DMD: variants seen among roughly 807,000 people sequenced by gnomAD.
DMD encodes mutant dystrophin.
A neutral mutation model predicts 330.1 loss-of-function variants in DMD; 63 were observed. The ratio of observed to expected loss-of-function variants is 0.19; its 90% confidence interval spans 0.16 to 0.24. The LOEUF is 0.24. DMD is among the 10% of genes least tolerant of loss of function. DMD has a pLI of 1.00. For missense variants in DMD, 3,344 were observed against 2,684.1 expected, an observed-to-expected ratio of 1.25 and a Z score of -5.43; for synonymous variants, 1,223 against 959.8, an observed-to-expected ratio of 1.27 and a Z score of -5.07.
At chrX:31,849,072 T>G (rs1947606) in intron 48 of DMD, among the ~76,000 whole-genome samples, 30,361 of 109,610 alleles carry the variant, frequency 0.28, 3,481 homozygotes, top group East Asian at 0.48. Context: ...TCTTCCTTGT[T>G]TTCCTTTCTT....
At chrX:32,290,911 C>A (rs7887682) in intron 42 of DMD, among the ~76,000 whole-genome samples, 15,240 of 111,364 alleles carry the variant, frequency 0.14, 836 homozygotes, top group Admixed American at 0.16. Context: ...TTAGAGAAAA[C>A]ATGTATCATA....
chrX:31,590,674 G>C (rs773752881), intron 55 of DMD, among the ~76,000 whole-genome samples: 1 of 111,475 alleles, frequency 9.0e-6, no homozygotes, highest in South Asian at 3.7e-4. Context: ...ATTCTCAGGG[G>C]TGATAAATGA....
At chrX:32,505,666 A>G (rs2044542048) in intron 18 of DMD, among the ~76,000 whole-genome samples, 2 of 112,231 alleles carry the variant, frequency 1.8e-5, no homozygotes, top group South Asian at 7.3e-4. Flanking sequence ...AGGCATTTAC[A>G]CAAAGGAGTC....
chrX:32,524,879 G>A (rs1040769274), intron 17 of DMD, among the ~76,000 whole-genome samples: 2 of 112,356 alleles, frequency 1.8e-5, no homozygotes, highest in African/African-American at 6.5e-5. Flanking sequence ...TTGATGTACA[G>A]ATTTTTAAAA....
intron 1 of DMD, among the ~76,000 whole-genome samples, chrX:33,166,032 G>T (rs1032980584): frequency 6.3e-5 from 7 of 111,337 alleles, no homozygotes; most frequent in African/African-American, 2.3e-4. Context: ...GCAGATTAAG[G>T]GCAGCTTTCT....
intron 1 of DMD, among the ~76,000 whole-genome samples, chrX:33,318,561 C>T (rs140196330): frequency 4.2e-4 from 45 of 107,967 alleles, no homozygotes; most frequent in African/African-American, 1.5e-3. Flanking sequence ...GATTCTCCAG[C>T]CTCAGCCACC....
intron 1 of DMD, among the ~76,000 whole-genome samples, chrX:33,139,189 T>A: frequency 9.0e-6 from 1 of 111,182 alleles, no homozygotes; most frequent in East Asian, 2.8e-4. Context: ...TCCTAGCTAC[T>A]GGGGAAGCTG....
intron 63 of DMD, among the ~76,000 whole-genome samples, chrX:31,236,097 T>A (rs1171365231): frequency 8.9e-6 from 1 of 112,225 alleles, no homozygotes; most frequent in Non-Finnish European, 1.9e-5. Context: ...ACTCTGAGGC[T>A]GAACGTCCTT....
intron 1 of DMD, among the ~76,000 whole-genome samples, chrX:33,070,555 T>TA (rs1209982328): frequency 9.4e-6 from 1 of 106,590 alleles, no homozygotes; most frequent in Non-Finnish European, 1.9e-5. Context: ...AGAAAAAAAT[T>TA]AAAAAAGAGT....
At chrX:31,520,836 C>A (rs916158222) in intron 55 of DMD, among the ~76,000 whole-genome samples, 2 of 110,060 alleles carry the variant, frequency 1.8e-5, no homozygotes, top group South Asian at 8.0e-4. Flanking sequence ...CCCGCCACCA[C>A]GCCCGGCTAA....
At chrX:32,039,506 A>C (rs767010978) in intron 44 of DMD, among the ~76,000 whole-genome samples, 1 of 111,364 alleles carries the variant, frequency 9.0e-6, no homozygotes, top group African/African-American at 3.3e-5. Flanking sequence ...TGTGCCCCCA[A>C]ATCTCACTGT....
intron 2 of DMD, among the ~76,000 whole-genome samples, chrX:32,863,559 CACACACACACACACAA>C (rs1425005637): frequency 9.6e-6 from 1 of 104,177 alleles, no homozygotes; most frequent in African/African-American, 3.6e-5. Context: ...CACACACACA[CACACACACACACACAA>C]ATACACACAT....
intron 19 of DMD, among the ~76,000 whole-genome samples, chrX:32,496,347 A>C (rs1334413053): frequency 8.9e-6 from 1 of 111,897 alleles, no homozygotes; most frequent in Non-Finnish European, 1.9e-5. Flanking sequence ...TTAGCATTCA[A>C]TGTAATAGTC....
intron 1 of DMD, among the ~76,000 whole-genome samples, chrX:33,026,405 T>G (rs1470973850): frequency 1.9e-5 from 2 of 105,421 alleles, no homozygotes; most frequent in African/African-American, 3.5e-5. Flanking sequence ...AAGTTCAGTC[T>G]ATTCTCTGCT....
intron 30 of DMD, among the ~76,000 whole-genome samples, chrX:32,403,699 C>T (rs890002187): frequency 9.0e-6 from 1 of 111,600 alleles, no homozygotes; most frequent in Admixed American, 9.6e-5. Context: ...TAGGGGTGGC[C>T]TTTCAATGTT....
intron 7 of DMD, among the ~76,000 whole-genome samples, chrX:32,738,644 G>T (rs899680234): frequency 8.9e-6 from 1 of 111,864 alleles, no homozygotes; most frequent in Admixed American, 9.6e-5. Context: ...TAATTGAATG[G>T]AGGTAAAACT....
chrX:32,661,905 C>T (rs749409715), intron 9 of DMD, among the ~76,000 whole-genome samples: 1 of 111,337 alleles, frequency 9.0e-6, no homozygotes, highest in Admixed American at 9.6e-5. Context: ...GCAAATATTA[C>T]TGGGATTTTG....
At chrX:32,940,079 A>G (rs1450760299) in intron 2 of DMD, among the ~76,000 whole-genome samples, 1 of 112,059 alleles carries the variant, frequency 8.9e-6, no homozygotes, top group African/African-American at 3.2e-5. Flanking sequence ...ATCCTAAGGA[A>G]AAAGAACAAA....
rs2040771438 is a variant in DMD at position 32,472,565 on chromosome X, GT to G, written c.2804-257del. Among the ~76,000 whole-genome samples the G allele has an allele frequency of 1.4e-4, 15 of 110,698 alleles. No individual in the cohort carries two copies. The South Asian group carries it at 5.4e-3, about 40-fold the overall frequency. On this transcript the variant is annotated intron_variant, in intron 21 of 78. Transcript: ENST00000357033. ...TATATTGTTCAATTCGTTTTATAAGGTCAGGAAACAGAAAAACAGATAAGGG... is the reference window on the plus strand; with the variant it reads ...TATATTGTTCAATTCGTTTTATAAGGCAGGAAACAGAAAAACAGATAAGGG...
Sources: allele counts gnomAD v4.1 joint callset (sites outside exome capture counted in the v4.1 genomes callset), GRCh38; gene constraint gnomAD v4.1.1; transcripts MANE v1.5; gene names NCBI Gene and HGNC (gene_info 2026-07-23, HGNC 2026-07-21).